Variants in LRRN2 observed in about 807,000 individuals in gnomAD.
The protein encoded by LRRN2 is leucine-rich repeat neuronal protein 2.
In LRRN2, 10 loss-of-function variants were observed where a neutral mutation model predicts 35.7. That is an observed-to-expected ratio of 0.28 (90% CI 0.17 to 0.47). The LOEUF is 0.47. LRRN2 is among the 20% of genes least tolerant of loss of function. LRRN2 has a pLI of 0.99. For synonymous variants in LRRN2, 391 were observed against 409.6 expected (o/e 0.95, Z 0.55); for missense variants, 731 against 940.3 (o/e 0.78, Z 2.91).
intron 1 of LRRN2, among the ~76,000 whole-genome samples, chr1:204,679,563 T>C (rs927892043): frequency 2.0e-5 from 3 of 152,224 alleles, no homozygotes; most frequent in Non-Finnish European, 4.4e-5. Flanking sequence ...GAAGCTGCCT[T>C]GTGAGATGTT....
At chr1:204,672,378 TG>T (rs1445037494) in intron 1 of LRRN2, among the ~76,000 whole-genome samples, 4 of 152,122 alleles carry the variant, frequency 2.6e-5, no homozygotes, top group Non-Finnish European at 4.4e-5. Flanking sequence ...GCTCCCCAAG[TG>T]GGGCTAGGGA....
At chr1:204,648,448 C>T (rs1183653555) in intron 1 of LRRN2, among the ~76,000 whole-genome samples, 2 of 152,108 alleles carry the variant, frequency 1.3e-5, no homozygotes, top group Non-Finnish European at 2.9e-5. Flanking sequence ...ATGTGCTTTC[C>T]ACTGCTTCCC....
Position 204,619,545 on chromosome 1 carries a change from G to C in LRRN2, c.448C>G (p.His150Asp). The C allele has an allele frequency of 6.2e-7, 1 of 1,614,268 alleles. No homozygotes were observed. Among genetic ancestry groups the C allele is most frequent in the African/African-American group, 1.3e-5 (1 of 75,068 alleles). ...LASLQELYLNHNQLYRIAPRA... is the reference protein window; with the variant it reads ...LASLQELYLNDNQLYRIAPRA... ...GGGGCGATGCGGTAGAGCTGGTTGT[G>C]GTTGAGATAGAGTTCCTGTAGGCTG... Residue 150 changes from histidine (H) to aspartate (D), a missense_variant, in exon 2 of 2, where the codon CAC becomes GAC. Physicochemically the swap from His to Asp is moderately conservative, Grantham distance 81. Coordinates refer to ENST00000367177, the MANE Select transcript of LRRN2 (RefSeq NM_201630.2).
At chr1:204,670,030 T>G (rs545798290) in intron 1 of LRRN2, among the ~76,000 whole-genome samples, 12 of 152,290 alleles carry the variant, frequency 7.9e-5, no homozygotes, top group African/African-American at 1.7e-4. Context: ...TTGTTTGTTT[T>G]TTTCTGACAC....
chr1:204,618,460 A>T lies in LRRN2; in HGVS notation c.1533T>A (p.Ser511Arg), dbSNP rs1436364657. ...GGAGGAGAGCACGGCCCACAACCAC[A>T]CTAACCGTCTTAGTGTCAGCCCCCA... Reference protein sequence around the residue: ...NLVGADTKTVSVVVGRALLQP... With the variant: ...NLVGADTKTVRVVVGRALLQP... The change falls in exon 2 of 2, where the codon AGT becomes AGA. Residue 511 changes from serine (S) to arginine (R), a missense_variant. By Grantham distance (110) the Ser-to-Arg change is moderately radical. This residue lies in a region of LRRN2 where 229 missense variants were observed against 258.4 expected (regional missense o/e 0.89). Transcript: ENST00000367177. 3 of 1,614,020 alleles carry T rather than the reference A, an allele frequency of 1.9e-6. No homozygotes were observed. Among genetic ancestry groups the T allele is most frequent in the Non-Finnish European group, 2.5e-6 (3 of 1,180,000 alleles).
chr1:204,627,504 C>T (rs1338479526), intron 1 of LRRN2: 1 of 152,226 alleles, frequency 6.6e-6, no homozygotes, highest in Non-Finnish European at 1.5e-5. Context: ...CTCTGTCTTC[C>T]CAGGTCTCCT....
rs1309896496 is a variant in LRRN2 at position 204,619,211 on chromosome 1, G to A, written c.782C>T (p.Pro261Leu). The A allele has an allele frequency of 1.9e-6, 3 of 1,613,956 alleles. No homozygotes were observed. Among genetic ancestry groups the A allele is most frequent in the Non-Finnish European group, 2.5e-6 (3 of 1,180,040 alleles). Residue 261 changes from proline (P) to leucine (L), a missense_variant, in exon 2 of 2, where the codon CCC becomes CTC. Physicochemically the swap from Pro to Leu is moderately conservative, Grantham distance 98. This residue lies in a region of LRRN2 where 256 missense variants were observed against 392.4 expected (regional missense o/e 0.65). Coordinates refer to ENST00000367177, the MANE Select transcript of LRRN2 (RefSeq NM_201630.2). Reference protein sequence around the residue: ...RVPRRALEQVPGLKFLDLNKN... With the variant: ...RVPRRALEQVLGLKFLDLNKN... ...GTTGAGGTCTAGGAACTTGAGCCCG[G>A]GCACCTGTTCCAGTGCCCGCCTGGG...
intron 1 of LRRN2, among the ~76,000 whole-genome samples, chr1:204,630,979 G>C (rs977185449): frequency 6.6e-6 from 1 of 151,766 alleles, no homozygotes; most frequent in Non-Finnish European, 1.5e-5. Context: ...TGAGGGAGTT[G>C]GGCTAGAGCA....
intron 1 of LRRN2, among the ~76,000 whole-genome samples, chr1:204,682,685 C>A (rs1200340612): frequency 6.6e-6 from 1 of 152,212 alleles, no homozygotes; most frequent in Admixed American, 6.5e-5. Context: ...TTGATTCCTT[C>A]CCCCTTCTCT....
chr1:204,646,384 T>C (rs192606896), intron 1 of LRRN2, among the ~76,000 whole-genome samples: 4 of 152,326 alleles, frequency 2.6e-5, no homozygotes, highest in African/African-American at 7.2e-5. Flanking sequence ...AAAAAACTAC[T>C]CTTGTTTGAG....
At position 204,619,065 on chromosome 1, in the gene LRRN2, G is replaced by T; in HGVS notation, c.928C>A (p.Pro310Thr). Residue 310 changes from proline (P) to threonine (T), a missense_variant, in exon 2 of 2, where the codon CCC (proline) becomes ACC (threonine). By Grantham distance (38) the Pro-to-Thr change is conservative (BLOSUM62 -1). Transcript: ENST00000367177. ...SIDKFALVNL[P>T]ELTKLDITNN... ...GTGATGTCCAGCTTGGTCAGCTCGG[G>T]GAGGTTCACCAGGGCAAACTTGTCG... is the stretch of plus-strand genomic sequence containing the variant. 6.2e-7 allele frequency: 1 copy of T among 1,606,926 alleles called. No homozygotes were observed. The highest frequency in any genetic ancestry group is 8.5e-7 in the Non-Finnish European group (1 of 1,175,492).
chr1:204,636,756 CTCTG>C (rs1293129319), intron 1 of LRRN2, among the ~76,000 whole-genome samples: 1 of 152,130 alleles, frequency 6.6e-6, no homozygotes, highest in Non-Finnish European at 1.5e-5. Flanking sequence ...CAGAGGGTGA[CTCTG>C]TCTTTTAGAA....
chr1:204,682,130 T>C (rs1042881460), intron 1 of LRRN2, among the ~76,000 whole-genome samples: 4 of 152,230 alleles, frequency 2.6e-5, no homozygotes, highest in Non-Finnish European at 5.9e-5. Flanking sequence ...ATTCATTAGA[T>C]GGGCCATAGA....
intron 1 of LRRN2, among the ~76,000 whole-genome samples, chr1:204,663,525 CT>C (rs1668513220): frequency 6.6e-6 from 1 of 152,154 alleles, no homozygotes; most frequent in Non-Finnish European, 1.5e-5. Context: ...TTGGTGGCTT[CT>C]CCCCAAGCAA....
intron 1 of LRRN2, chr1:204,626,935 G>C (rs1387371221): frequency 6.7e-6 from 1 of 149,922 alleles, no homozygotes; most frequent in African/African-American, 2.5e-5. Context: ...ATGATACAAG[G>C]CTTTTTCTTT....
At position 204,671,403 on chromosome 1, in the gene LRRN2, T is replaced by TGTGTGTGTGTG. The variant is rs1553350489; in HGVS notation, c.-227+13916_-227+13917insCACACACACAC. ...TAGAAGTAGCAATCTGTTTGTGTGTTTGTGTGTGTGTGTGTGTGTGTGTGT... is the reference window on the plus strand; with the variant it reads ...TAGAAGTAGCAATCTGTTTGTGTGTTGTGTGTGTGTGTGTGTGTGTGTGTGTGTGTGTGTGT... On this transcript the variant is annotated intron_variant, in intron 1 of 1. Coordinates refer to ENST00000367177, the MANE Select transcript of LRRN2 (RefSeq NM_201630.2). Among the ~76,000 whole-genome samples, 933 of 122,952 alleles carry TGTGTGTGTGTG rather than the reference T, an allele frequency of 7.6e-3. 8 individuals are homozygous for TGTGTGTGTGTG. The highest frequency in any genetic ancestry group is 0.012 in the Middle Eastern group (3 of 244). 80.7% of individuals were successfully genotyped at this position (122,952 alleles called of 152,430 possible).
chr1:204,669,843 CT>C (rs1249484703), intron 1 of LRRN2, among the ~76,000 whole-genome samples: 1 of 152,184 alleles, frequency 6.6e-6, no homozygotes, highest in Non-Finnish European at 1.5e-5. Context: ...GACCATCCCA[CT>C]GGCCATCCTA....
At position 204,674,140 on chromosome 1, in the gene LRRN2, C is replaced by T. The variant is rs564632047; in HGVS notation, c.-227+11180G>A. Among the ~76,000 whole-genome samples the T allele has an allele frequency of 2.4e-3, 364 of 152,228 alleles. 5 individuals are homozygous for T. The highest frequency in any genetic ancestry group is 8.4e-3 in the African/African-American group (350 of 41,522). ...TCCCTCTCAGGGGCCTGCAGAGAGCCAATACTCCTCAGGGAGGGGAGGCCC... is the reference window on the plus strand; with the variant it reads ...TCCCTCTCAGGGGCCTGCAGAGAGCTAATACTCCTCAGGGAGGGGAGGCCC... On this transcript the variant is annotated intron_variant, in intron 1 of 1. Transcript: ENST00000367177.
intron 1 of LRRN2, among the ~76,000 whole-genome samples, chr1:204,653,080 G>A (rs1038455444): frequency 2.0e-5 from 3 of 152,342 alleles, no homozygotes; most frequent in East Asian, 1.9e-4. Context: ...AAGAAGCAGA[G>A]TCCCACAGCA....
Sources: gnomAD v4.1 joint callset for allele counts (sites outside exome capture counted in the v4.1 genomes callset) on GRCh38, gnomAD v4.1.1 for gene constraint, gnomAD v4.1.1 regional missense constraint, MANE v1.5 for transcripts, NCBI Gene and HGNC (gene_info 2026-07-23, HGNC 2026-07-21) for gene names.